GUCY1A2: variants seen among roughly 807,000 people sequenced by gnomAD.
The protein encoded by GUCY1A2 is guanylate cyclase 1 soluble subunit alpha 2.
Under a neutral mutation model 63.5 loss-of-function variants are expected in GUCY1A2, and 27 were observed. The ratio of observed to expected loss-of-function variants is 0.43; its 90% CI spans 0.31 to 0.59. The LOEUF (loss-of-function observed/expected upper bound fraction) is 0.59. Ranked by LOEUF, GUCY1A2 falls within the 20% of genes least tolerant of loss-of-function variation. The pLI is 0.11. For missense variants in GUCY1A2, 768 were observed against 913.3 expected (o/e 0.84, Z 2.05); for synonymous variants, 364 against 343.5 (o/e 1.06, Z -0.66).
intron 5 of GUCY1A2, among the ~76,000 whole-genome samples, chr11:106,780,174 T>C (rs1864433910): frequency 6.6e-6 from 1 of 152,064 alleles, no homozygotes; most frequent in Admixed American, 6.6e-5. Flanking sequence ...TCTCTTTCTC[T>C]CCATAGGTGT....
intron 4 of GUCY1A2, among the ~76,000 whole-genome samples, chr11:106,932,072 TAAAAAC>T (rs1485331726): frequency 2.0e-5 from 3 of 152,084 alleles, no homozygotes; most frequent in Admixed American, 6.6e-5. Context: ...GATTCTAACT[TAAAAAC>T]AAAAGGAACA....
intron 4 of GUCY1A2, among the ~76,000 whole-genome samples, chr11:106,903,693 G>T (rs1860165307): frequency 6.6e-6 from 1 of 152,178 alleles, no homozygotes; most frequent in South Asian, 2.1e-4. Flanking sequence ...AAAGGAGACT[G>T]CCAAGGGCAG....
At position 106,687,613 on chromosome 11, in the gene GUCY1A2, G is replaced by A. The variant is rs1383258563; in HGVS notation, c.2135C>T (p.Ser712Leu). 4 of 1,613,958 alleles carry A rather than the reference G, an allele frequency of 2.5e-6. No homozygotes were observed. Among genetic ancestry groups the A allele is most frequent in the East Asian group, 4.5e-5 (2 of 44,874 alleles). ...GPKPPKPSLS[S>L]SRIKKVSYNI... ...GTAGGAAACCTTTTTTATTCTCGACGAAGAAAGAGAAGGCTTTGGTGGCTT... is the reference window on the plus strand; with the variant it reads ...GTAGGAAACCTTTTTTATTCTCGACAAAGAAAGAGAAGGCTTTGGTGGCTT... Residue 712 changes from serine (S) to leucine (L), a missense_variant, in exon 8 of 8, where the codon TCG becomes TTG. Transcript: ENST00000526355.
chr11:106,786,853 T>C (rs1864564344), intron 5 of GUCY1A2, among the ~76,000 whole-genome samples: 1 of 152,210 alleles, frequency 6.6e-6, no homozygotes, highest in African/African-American at 2.4e-5. Context: ...TCAATGTTAT[T>C]ATTCTACCTA....
intron 4 of GUCY1A2, among the ~76,000 whole-genome samples, chr11:106,838,121 G>A (rs80152191): frequency 0.011 from 1,601 of 151,884 alleles, 28 homozygotes; most frequent in African/African-American, 0.035. Flanking sequence ...ATTGTCCCTC[G>A]TGTGCAACCC....
At chr11:106,993,248 C>T (rs1437609153) in intron 1 of GUCY1A2, among the ~76,000 whole-genome samples, 1 of 152,220 alleles carries the variant, frequency 6.6e-6, no homozygotes, top group Non-Finnish European at 1.5e-5. Flanking sequence ...TTCTCCATAA[C>T]ATGAGAACAC....
At chr11:106,710,202 A>G (rs1285289975) in intron 6 of GUCY1A2, among the ~76,000 whole-genome samples, 1 of 73,594 alleles carries the variant, frequency 1.4e-5, no homozygotes, top group African/African-American at 5.8e-5. Flanking sequence ...ATATAGTTAT[A>G]TATTATATAC....
intron 3 of GUCY1A2, among the ~76,000 whole-genome samples, chr11:106,952,799 C>T (rs1860928528): frequency 6.6e-6 from 1 of 152,048 alleles, no homozygotes; most frequent in African/African-American, 2.4e-5. Context: ...ACTACCACAC[C>T]TGGCTAATTT....
intron 4 of GUCY1A2, among the ~76,000 whole-genome samples, chr11:106,842,132 A>C (rs547652111): frequency 1.3e-5 from 2 of 152,000 alleles, no homozygotes; most frequent in South Asian, 4.1e-4. Flanking sequence ...GTGATTTGGC[A>C]GTGGCTTATT....
At chr11:106,783,414 T>G (rs938723349) in intron 5 of GUCY1A2, among the ~76,000 whole-genome samples, 1 of 152,190 alleles carries the variant, frequency 6.6e-6, no homozygotes, top group African/African-American at 2.4e-5. Flanking sequence ...TTGGCTACAC[T>G]GATACCAGAA....
chr11:106,922,487 A>G (rs527337571), intron 4 of GUCY1A2, among the ~76,000 whole-genome samples: 2 of 151,044 alleles, frequency 1.3e-5, no homozygotes, highest in Non-Finnish European at 3.0e-5. Flanking sequence ...ATATTTGTAT[A>G]TAAATACATA....
At chr11:106,925,636 A>G (rs1473987413) in intron 4 of GUCY1A2, among the ~76,000 whole-genome samples, 8 of 152,230 alleles carry the variant, frequency 5.3e-5, no homozygotes, top group Admixed American at 5.2e-4. Context: ...CTACATTATA[A>G]TACATAATAG....
intron 5 of GUCY1A2, among the ~76,000 whole-genome samples, chr11:106,799,787 C>A (rs575293557): frequency 9.9e-5 from 15 of 152,140 alleles, no homozygotes; most frequent in South Asian, 4.2e-4. Flanking sequence ...CCATAAAAAC[C>A]CTAGAAGAAA....
Position 106,833,733 on chromosome 11 carries a change from A to G in GUCY1A2, c.1207-23255T>C, listed in dbSNP as rs114862886. Among the ~76,000 whole-genome samples, 1,416 of 152,180 alleles carry G rather than the reference A, an allele frequency of 9.3e-3. 17 individuals carry two copies. Among genetic ancestry groups the G allele is most frequent in the African/African-American group, 0.032 (1,319 of 41,550 alleles). On this transcript the variant is annotated intron_variant, in intron 4 of 7. Coordinates refer to ENST00000526355, the MANE Select transcript of GUCY1A2 (RefSeq NM_000855.3). ...ACTTAATCAACCGTAAGTAAAGATTATTAACTATTGGAAAAATAGACAAAA... is the reference window on the plus strand; with the variant it reads ...ACTTAATCAACCGTAAGTAAAGATTGTTAACTATTGGAAAAATAGACAAAA...
chr11:106,755,229 TTCTTA>T (rs1427716956), intron 6 of GUCY1A2, among the ~76,000 whole-genome samples: 4 of 152,112 alleles, frequency 2.6e-5, no homozygotes, highest in Non-Finnish European at 5.9e-5. Flanking sequence ...GTCTATTTGA[TTCTTA>T]TCTCTTTTCT....
intron 6 of GUCY1A2, among the ~76,000 whole-genome samples, chr11:106,760,792 TA>T (rs1028582485): frequency 3.3e-5 from 5 of 152,228 alleles, no homozygotes; most frequent in Admixed American, 3.3e-4. Context: ...TAGAAAATAC[TA>T]AAGGTTAAAA....
chr11:107,017,401 TG>T (rs1439400012), intron 1 of GUCY1A2, among the ~76,000 whole-genome samples: 4 of 152,082 alleles, frequency 2.6e-5, no homozygotes, highest in African/African-American at 4.8e-5. Flanking sequence ...ACACAGTGCC[TG>T]GGAAAGTTTA....
chr11:106,987,827 C>T (rs886164726), intron 1 of GUCY1A2, among the ~76,000 whole-genome samples: 1 of 152,140 alleles, frequency 6.6e-6, no homozygotes, highest in Non-Finnish European at 1.5e-5. Flanking sequence ...GGAAAGTGAG[C>T]TTAAATTGAA....
At chr11:106,930,264 A>T (rs1159008569) in intron 4 of GUCY1A2, among the ~76,000 whole-genome samples, 2 of 152,220 alleles carry the variant, frequency 1.3e-5, no homozygotes, top group African/African-American at 2.4e-5. Context: ...CAAAAAGTTA[A>T]CTTGCTCAAG....
Sources: allele counts gnomAD v4.1 joint callset (sites outside exome capture counted in the v4.1 genomes callset), GRCh38; gene constraint gnomAD v4.1.1; transcripts MANE v1.5; gene names NCBI Gene and HGNC (gene_info 2026-07-23, HGNC 2026-07-21).